The following NRG3 variants were observed in gnomAD, a reference collection of about 807,000 sequenced individuals.
The protein encoded by NRG3 is neuregulin 3, also known as pro-neuregulin-3, membrane-bound isoform.
A neutral mutation model predicts 66.9 loss-of-function variants in NRG3; 31 were observed. That is an observed-to-expected ratio of 0.46 (90% confidence interval 0.35 to 0.63). The LOEUF (loss-of-function observed/expected upper bound fraction) is 0.63, where lower values mean the gene tolerates loss of function less well. Among genes scored for constraint, NRG3 ranks in the 20% least tolerant of loss-of-function variants. The pLI, the probability that NRG3 is intolerant of heterozygous loss-of-function variation, is 0.00. For missense variants in NRG3, 910 were observed against 878.9 expected (o/e 1.04, Z -0.45); for synonymous variants, 393 against 359.4 (o/e 1.09, Z -1.06).
chr10:82,702,967 A>AT (rs5786564), intron 2 of NRG3, among the ~76,000 whole-genome samples: 46,637 of 150,870 alleles, frequency 0.31, 8,424 homozygotes, highest in African/African-American at 0.5. Context: ...TGTTTCTGCC[A>AT]TTTTTTTTGT....
intron 2 of NRG3, among the ~76,000 whole-genome samples, chr10:82,718,307 T>C (rs1333338021): frequency 6.6e-6 from 1 of 152,192 alleles, no homozygotes; most frequent in Non-Finnish European, 1.5e-5. Flanking sequence ...TTGTCTTTAT[T>C]AAAAGATACT....
At chr10:82,909,310 A>C (rs543215114) in intron 4 of NRG3, among the ~76,000 whole-genome samples, 1 of 152,356 alleles carries the variant, frequency 6.6e-6, no homozygotes, top group Non-Finnish European at 1.5e-5. Context: ...TGAGCAGTTC[A>C]CACAGGCATT....
intron 1 of NRG3, among the ~76,000 whole-genome samples, chr10:81,980,766 T>C (rs1315832574): frequency 6.6e-6 from 1 of 152,220 alleles, no homozygotes; most frequent in Non-Finnish European, 1.5e-5. Flanking sequence ...GAGCAAGTTG[T>C]TGGAAGATGT....
At chr10:82,869,406 A>G (rs143083104) in intron 4 of NRG3, among the ~76,000 whole-genome samples, 102 of 152,198 alleles carry the variant, frequency 6.7e-4, no homozygotes, top group African/African-American at 2.3e-3. Flanking sequence ...CAAAGTTTAC[A>G]TTATGGTTCA....
At chr10:82,038,708 A>G (rs149870111) in intron 1 of NRG3, among the ~76,000 whole-genome samples, 467 of 152,232 alleles carry the variant, frequency 3.1e-3, no homozygotes, top group African/African-American at 0.01. Context: ...ACCCAGCCTC[A>G]TTCATTCATC....
intron 2 of NRG3, among the ~76,000 whole-genome samples, chr10:82,425,180 G>C (rs1002567831): frequency 6.6e-6 from 1 of 152,024 alleles, no homozygotes; most frequent in Non-Finnish European, 1.5e-5. Context: ...TGGCAAAAAG[G>C]CCAGCTGGGG....
At chr10:82,074,370 C>G (rs547130314) in intron 1 of NRG3, among the ~76,000 whole-genome samples, 1 of 152,016 alleles carries the variant, frequency 6.6e-6, no homozygotes, top group Non-Finnish European at 1.5e-5. Context: ...ATAGTAGAAA[C>G]GTTGGATTTT....
intron 2 of NRG3, among the ~76,000 whole-genome samples, chr10:82,721,380 C>T (rs756941356): frequency 2.0e-5 from 3 of 151,642 alleles, no homozygotes; most frequent in South Asian, 2.1e-4. Context: ...CCTCGTGATC[C>T]GCCTGCTTCG....
intron 2 of NRG3, among the ~76,000 whole-genome samples, chr10:82,393,809 A>G (rs898057708): frequency 6.6e-6 from 1 of 152,186 alleles, no homozygotes. Flanking sequence ...AATGGTCATC[A>G]GCAAGCTCCT....
At chr10:82,785,712 T>C (rs1271931648) in intron 3 of NRG3, among the ~76,000 whole-genome samples, 1 of 152,146 alleles carries the variant, frequency 6.6e-6, no homozygotes, top group Non-Finnish European at 1.5e-5. Flanking sequence ...TTCTTTTGGT[T>C]CCTTATAGTA....
At chr10:82,076,739 A>T (rs932055127) in intron 1 of NRG3, among the ~76,000 whole-genome samples, 1 of 152,176 alleles carries the variant, frequency 6.6e-6, no homozygotes, top group South Asian at 2.1e-4. Context: ...ACCTTCTGCC[A>T]TAAGTGGAAA....
intron 2 of NRG3, among the ~76,000 whole-genome samples, chr10:82,683,816 A>G (rs1299421066): frequency 3.3e-5 from 5 of 152,220 alleles, no homozygotes; most frequent in Non-Finnish European, 7.3e-5. Flanking sequence ...TTTTAGTTCA[A>G]AACAGTTAAG....
intron 1 of NRG3, among the ~76,000 whole-genome samples, chr10:82,027,335 G>GCCATCCT (rs2062359419): frequency 6.6e-6 from 1 of 152,098 alleles, no homozygotes; most frequent in Non-Finnish European, 1.5e-5. Context: ...TTGGTGGTAA[G>GCCATCCT]TGAAGCCATC....
At chr10:82,020,105 T>TA (rs1288786984) in intron 1 of NRG3, among the ~76,000 whole-genome samples, 2 of 152,216 alleles carry the variant, frequency 1.3e-5, no homozygotes, top group African/African-American at 4.8e-5. Context: ...GCTTTCAAAG[T>TA]AAAAAATTTG....
chr10:82,170,329 A>T (rs958925508), intron 1 of NRG3, among the ~76,000 whole-genome samples: 1 of 152,046 alleles, frequency 6.6e-6, no homozygotes. Context: ...GAGAGCAAGC[A>T]TGTGGCCGGG....
intron 1 of NRG3, among the ~76,000 whole-genome samples, chr10:82,320,399 A>G (rs1206376600): frequency 6.6e-6 from 1 of 152,156 alleles, no homozygotes; most frequent in Non-Finnish European, 1.5e-5. Flanking sequence ...GAGAAAAGCC[A>G]TTTTACCTAA....
intron 2 of NRG3, among the ~76,000 whole-genome samples, chr10:82,439,302 C>T (rs2090312494): frequency 6.6e-6 from 1 of 151,936 alleles, no homozygotes; most frequent in Non-Finnish European, 1.5e-5. Flanking sequence ...TATGATATCT[C>T]CTGCATGAGC....
intron 3 of NRG3, among the ~76,000 whole-genome samples, chr10:82,741,821 T>C (rs1473628743): frequency 6.6e-6 from 1 of 151,698 alleles, no homozygotes; most frequent in East Asian, 1.9e-4. Context: ...CAACAGGACA[T>C]TTATCACTCT....
At chr10:82,123,882 C>T (rs558789797) in intron 1 of NRG3, among the ~76,000 whole-genome samples, 1 of 151,994 alleles carries the variant, frequency 6.6e-6, no homozygotes, top group Non-Finnish European at 1.5e-5. Flanking sequence ...TTCTTCCTTG[C>T]TTTGCTCCCC....
Sources: allele counts gnomAD v4.1 joint callset (sites outside exome capture counted in the v4.1 genomes callset), GRCh38; gene constraint gnomAD v4.1.1; transcripts MANE v1.5; gene names NCBI Gene and HGNC (gene_info 2026-07-23, HGNC 2026-07-21).